PCSK2: variants seen among roughly 807,000 people sequenced by gnomAD.
The protein encoded by PCSK2 is neuroendocrine convertase 2.
In PCSK2, 14 loss-of-function variants were observed where a neutral mutation model predicts 69.7. The observed-to-expected ratio is 0.20, with a 90% CI of 0.13 to 0.31. The LOEUF (loss-of-function observed/expected upper bound fraction) is 0.31. PCSK2 is among the 10% of genes least tolerant of loss of function. The pLI, the probability that PCSK2 is intolerant of heterozygous loss-of-function variation, is 1.00. For missense variants in PCSK2, 544 were observed against 842.5 expected, an observed-to-expected ratio of 0.65 and a Z score of 4.39; for synonymous variants, 307 against 320.7, an observed-to-expected ratio of 0.96 and a Z score of 0.46.
Position 17,482,114 on chromosome 20 carries a change from G to C in PCSK2, c.*44G>C. Reference sequence around the variant, plus strand: ...CCCACCGCCCTCCCTCCCCAGCTCCGCCTCTGTCCTCGCTCCACGTTTCAG... The same window carrying C: ...CCCACCGCCCTCCCTCCCCAGCTCCCCCTCTGTCCTCGCTCCACGTTTCAG... On this transcript the variant is annotated 3_prime_UTR_variant, in exon 12 of 12. Coordinates refer to ENST00000262545, the MANE Select transcript of PCSK2 (RefSeq NM_002594.5). 1 of 1,512,358 alleles carries C rather than the reference G, an allele frequency of 6.6e-7. No homozygotes were observed. The highest frequency in any genetic ancestry group is 1.3e-5 in the South Asian group (1 of 75,210). 93.7% of individuals were successfully genotyped at this position (1,512,358 alleles called of 1,614,324 possible). A position where few individuals can be genotyped will look rare whatever the true frequency, so the allele number is the denominator to read the frequency against.
At chr20:17,457,166 C>G (rs746921028) in intron 10 of PCSK2, among the ~76,000 whole-genome samples, 1 of 152,224 alleles carries the variant, frequency 6.6e-6, no homozygotes, top group Non-Finnish European at 1.5e-5. Flanking sequence ...AGAATGAACA[C>G]ATGGGCTTCA....
In PCSK2 at chr20:17,369,273, A is replaced by G; in HGVS notation, c.539A>G (p.Asn180Ser). The change falls in exon 5 of 12, where the codon AAC becomes AGC. Residue 180 changes from asparagine (N) to serine (S), a missense_variant. Physicochemically the swap from Asn to Ser is conservative, Grantham distance 46. Coordinates refer to ENST00000262545, the MANE Select transcript of PCSK2 (RefSeq NM_002594.5). ...IDYLHPDLASNYNAEASYDFS... is the reference protein window; with the variant it reads ...IDYLHPDLASSYNAEASYDFS... ...TATCTCCACCCGGACCTGGCCTCCA[A>G]CTATGTAAGTACAAGCCAACTTTGG... The G allele has an allele frequency of 1.1e-5, 18 of 1,613,772 alleles. No homozygotes were observed. The highest frequency in any genetic ancestry group is 1.4e-5 in the Non-Finnish European group (17 of 1,179,686).
intron 8 of PCSK2, among the ~76,000 whole-genome samples, chr20:17,443,861 T>C (rs1236683038): frequency 6.6e-6 from 1 of 152,248 alleles, no homozygotes; most frequent in South Asian, 2.1e-4. Flanking sequence ...GATCTTCAGA[T>C]GACAGCAAGT....
At chr20:17,297,899 T>C (rs984264517) in intron 2 of PCSK2, among the ~76,000 whole-genome samples, 14 of 152,254 alleles carry the variant, frequency 9.2e-5, no homozygotes, top group African/African-American at 3.4e-4. Context: ...CATTTTGATT[T>C]AAGCTAAAAG....
chr20:17,229,691 GA>G (rs751827731), intron 1 of PCSK2, among the ~76,000 whole-genome samples: 5 of 151,958 alleles, frequency 3.3e-5, no homozygotes, highest in African/African-American at 4.8e-5. Context: ...CAAATCCAGT[GA>G]TTTTTTTTCC....
chr20:17,308,936 C>T (rs1486374732), intron 2 of PCSK2, among the ~76,000 whole-genome samples: 2 of 152,154 alleles, frequency 1.3e-5, no homozygotes, highest in African/African-American at 4.8e-5. Flanking sequence ...TTCTGCCAAA[C>T]TCTATCACAG....
At chr20:17,359,428 G>A (rs1027630544) in intron 3 of PCSK2, among the ~76,000 whole-genome samples, 3 of 152,176 alleles carry the variant, frequency 2.0e-5, no homozygotes, top group Non-Finnish European at 4.4e-5. Context: ...TTTGCTACAC[G>A]ACTAATGCTT....
At chr20:17,268,526 C>A (rs1000488724) in intron 2 of PCSK2, among the ~76,000 whole-genome samples, 1 of 151,994 alleles carries the variant, frequency 6.6e-6, no homozygotes, top group African/African-American at 2.4e-5. Context: ...GACAGAGGAA[C>A]CACCAAGGAA....
chr20:17,481,521 C>T, intron 11 of PCSK2, 63 bp from the exon 12 acceptor site: 1 of 1,528,550 alleles, frequency 6.5e-7, no homozygotes, highest in Non-Finnish European at 8.9e-7. Context: ...AAGCTGCCCT[C>T]AAAATCCCTT....
intron 4 of PCSK2, among the ~76,000 whole-genome samples, chr20:17,362,161 A>G (rs2030418068): frequency 1.3e-5 from 2 of 152,200 alleles, no homozygotes; most frequent in Non-Finnish European, 2.9e-5. Context: ...ACTGACTCCT[A>G]AAGTCATTGG....
rs531394454 is a variant in PCSK2, at chr20:17,427,989, C to G, written c.621-1446C>G. Among the ~76,000 whole-genome samples the G allele has an allele frequency of 2.0e-5, 3 of 152,264 alleles. No individual in the cohort carries two copies. The East Asian group carries it at 5.8e-4, about 29-fold the overall frequency. The stretch of plus-strand genomic sequence containing the variant: ...GACAAGAGAAGTCCAGATTCAAAAG[C>G]CCAGGGTTGTGAGAAGGCTTGGTGT... On this transcript the variant is annotated intron_variant, in intron 6 of 11. Coordinates refer to ENST00000262545, the MANE Select transcript of PCSK2 (RefSeq NM_002594.5).
chr20:17,373,304 G>C (rs2030828646), intron 5 of PCSK2, among the ~76,000 whole-genome samples: 1 of 152,214 alleles, frequency 6.6e-6, no homozygotes, highest in Admixed American at 6.5e-5. Context: ...AGACAGCATA[G>C]AATATGTGAG....
intron 5 of PCSK2, among the ~76,000 whole-genome samples, chr20:17,404,440 C>T (rs1206328763): frequency 1.3e-5 from 2 of 152,212 alleles, no homozygotes; most frequent in Non-Finnish European, 2.9e-5. Flanking sequence ...CTCCTAGGGG[C>T]TTGACCAGTG....
chr20:17,447,142 G>A, intron 8 of PCSK2, among the ~76,000 whole-genome samples: 1 of 151,866 alleles, frequency 6.6e-6, no homozygotes, highest in Admixed American at 6.6e-5. Flanking sequence ...ACAGTGCTAT[G>A]TGCCTGTAAT....
At chr20:17,447,482 C>T (rs1225640326) in intron 8 of PCSK2, among the ~76,000 whole-genome samples, 1 of 152,122 alleles carries the variant, frequency 6.6e-6, no homozygotes, top group Non-Finnish European at 1.5e-5. Context: ...TAAGAAATGA[C>T]AATTCTAAAT....
At chr20:17,415,060 C>A (rs1308828927) in intron 6 of PCSK2, among the ~76,000 whole-genome samples, 2 of 152,144 alleles carry the variant, frequency 1.3e-5, no homozygotes, top group Non-Finnish European at 2.9e-5. Context: ...CTATTTATGA[C>A]AAAACCACAG....
intron 11 of PCSK2, among the ~76,000 whole-genome samples, chr20:17,477,477 A>T (rs966651022): frequency 4.6e-5 from 7 of 152,190 alleles, no homozygotes; most frequent in African/African-American, 1.7e-4. Flanking sequence ...ACAAGTCTGC[A>T]TATATATGTT....
rs141641378 is a variant in PCSK2 at position 17,244,860 on chromosome 20, T to C, written c.178-15380T>C. Among the ~76,000 whole-genome samples, 352 of 152,328 alleles carry C rather than the reference T, an allele frequency of 2.3e-3. 1 individual carries two copies. The highest frequency in any genetic ancestry group is 7.6e-3 in the African/African-American group (318 of 41,570). On this transcript the variant is annotated intron_variant, in intron 1 of 11. Transcript: ENST00000262545. ...AAAGAACTTTAAGTAAGCACTTGCT[T>C]TGAGGAGTCATTTCATCCCCTCATC...
intron 2 of PCSK2, 135 bp from the exon 3 acceptor site, chr20:17,358,192 T>C: frequency 1.6e-6 from 1 of 617,496 alleles, no homozygotes; most frequent in Admixed American, 2.7e-5. Flanking sequence ...TGAGCATGTA[T>C]ATGAGATGAA....
Sources: gnomAD v4.1 joint callset for allele counts (sites outside exome capture counted in the v4.1 genomes callset) on GRCh38, gnomAD v4.1.1 for gene constraint, MANE v1.5 for transcripts, NCBI Gene and HGNC (gene_info 2026-07-23, HGNC 2026-07-21) for gene names.